Variants in FAM20A observed in about 807,000 individuals in gnomAD.
FAM20A encodes FAM20A golgi associated secretory pathway pseudokinase, also known as pseudokinase FAM20A.
A neutral mutation model predicts 52.0 loss-of-function variants in FAM20A; 42 were observed. The observed-to-expected ratio is 0.81, with a 90% CI of 0.63 to 1.04. FAM20A has a LOEUF of 1.04. Ranked by LOEUF, FAM20A falls within the 50% of genes least tolerant of loss-of-function variation. The pLI is 0.00. For missense variants in FAM20A, 742 were observed against 712.7 expected (o/e 1.04, Z -0.47); for synonymous variants, 304 against 298.9 (o/e 1.02, Z -0.18).
At chr17:68,539,534 C>T in intron 9 of FAM20A, 138 bp from the exon 10 acceptor site, 9 of 773,168 alleles carry the variant, frequency 1.2e-5, no homozygotes, top group African/African-American at 1.7e-5. Flanking sequence ...CCTCTCCAGC[C>T]CCTCTCCCCA....
chr17:68,587,960 A>G lies in FAM20A; in HGVS notation c.404+12303T>C, dbSNP rs554340527. Among the ~76,000 whole-genome samples the G allele has an allele frequency of 2.2e-3, 339 of 152,330 alleles. 1 individual carries two copies. The highest frequency in any genetic ancestry group is 6.8e-3 in the Middle Eastern group (2 of 294). ...TTGTTTCTACGTATTATGTTGGTTA[A>G]TATGAAAGGAAGTGCTTATGAGTTT... is the stretch of plus-strand genomic sequence containing the variant. On this transcript the variant is annotated intron_variant, in intron 1 of 10. Coordinates refer to ENST00000592554, the MANE Select transcript of FAM20A (RefSeq NM_017565.4).
In FAM20A at chr17:68,537,518, GT is replaced by G; in HGVS notation, c.1584del (p.Glu528AspfsTer12). The G allele has an allele frequency of 6.2e-7, 1 of 1,613,868 alleles. No individual in the cohort carries two copies. Reference sequence around the variant, plus strand: ...GCCTGGCCAGAGTCTGGGGCCAACTGTTCCACTGGGCCGTCGACTATGACAC... The same window carrying G: ...GCCTGGCCAGAGTCTGGGGCCAACTGTCCACTGGGCCGTCGACTATGACAC... ...QQSVIVDGPVEQLAPDSGQAN... is the reference protein window; with the variant it reads ...QQSVIVDGPVXQLAPDSGQAN... On this transcript the variant is annotated frameshift_variant, in exon 11 of 11. Transcript: ENST00000592554. LOFTEE classifies it high-confidence loss of function. This position sits in a 1 kb window ranked among gnomAD's most constrained non-coding sequence, Gnocchi z 4.2.
At position 68,555,690 on chromosome 17, in the gene FAM20A, A is replaced by G; in HGVS notation, c.458T>C (p.Leu153Pro). 6.2e-7 allele frequency: 1 copy of G among 1,613,944 alleles called. No individual in the cohort carries two copies. The highest frequency in any genetic ancestry group is 8.5e-7 in the Non-Finnish European group (1 of 1,180,034). ...QMNLTSLDPP[L>P]QLRLEASWVQ... ...CCAGCTGGCCTCGAGTCGGAGCTGC[A>G]GTGGGGGGTCCAGGGAGGTAAGGTT... Residue 153 changes from leucine to proline, a missense_variant, in exon 2 of 11, where the codon CTG (leucine) becomes CCG (proline). Physicochemically the swap from Leu to Pro is moderately conservative, Grantham distance 98. Coordinates refer to ENST00000592554, the MANE Select transcript of FAM20A (RefSeq NM_017565.4).
At chr17:68,573,452 CTTTCTTCTTTCT>C (rs750978335) in intron 1 of FAM20A, among the ~76,000 whole-genome samples, 2,071 of 137,124 alleles carry the variant, frequency 0.015, 46 homozygotes, top group African/African-American at 0.051. Context: ...TTCTTTCTTT[CTTTCTTCTTTCT>C]TTCTTTCTTT....
In FAM20A at chr17:68,537,472, A is replaced by T. The variant is rs374740151; in HGVS notation, c.*5T>A. 28 of 1,614,074 alleles carry T rather than the reference A, an allele frequency of 1.7e-5. No individual in the cohort carries two copies. Among genetic ancestry groups the T allele is most frequent in the Non-Finnish European group, 2.3e-5 (27 of 1,180,016 alleles). On this transcript the variant is annotated 3_prime_UTR_variant, in exon 11 of 11. Coordinates refer to ENST00000592554, the MANE Select transcript of FAM20A (RefSeq NM_017565.4). This position sits in a 1 kb window ranked among gnomAD's most constrained non-coding sequence, Gnocchi z 4.2. ...GTATTTTCTGAAACTGGACTCTGCC[A>T]GCCCTTAGCTTGTCAAGTTAGCCTG...
rs777416324 is a variant in FAM20A, at chr17:68,537,604, C to G, written c.1499G>C (p.Arg500Pro). The G allele has an allele frequency of 6.2e-7, 1 of 1,613,574 alleles. No homozygotes were observed. Among genetic ancestry groups the G allele is most frequent in the Non-Finnish European group, 8.5e-7 (1 of 1,179,734 alleles). The stretch of plus-strand genomic sequence containing the variant: ...TGTCCTTAGGATGGTTTGGAGCCTT[C>G]GATCCAGGGCAAGGAGGTGGGGTTC... ...LTEPHLLALD[R>P]RLQTILRTVE... The change falls in exon 11 of 11, where the codon CGA becomes CCA. Residue 500 changes from arginine (R) to proline (P), a missense_variant. Arg to Pro is a moderately radical substitution (Grantham distance 103). Transcript: ENST00000592554. The surrounding 1 kb of genome is among the most constrained non-coding windows in gnomAD (Gnocchi z 4.2).
At chr17:68,589,719 A>G (rs2088251635) in intron 1 of FAM20A, among the ~76,000 whole-genome samples, 2 of 152,242 alleles carry the variant, frequency 1.3e-5, no homozygotes, top group South Asian at 2.1e-4. Context: ...AGAAACTTCA[A>G]TGTATGAAAT....
chr17:68,575,960 G>A (rs2087755931), intron 1 of FAM20A, among the ~76,000 whole-genome samples: 1 of 151,362 alleles, frequency 6.6e-6, no homozygotes. Context: ...AGCTAACCCT[G>A]GGGAAGTGGA....
chr17:68,548,728 T>A (rs1397677022), intron 4 of FAM20A, among the ~76,000 whole-genome samples: 34 of 130,546 alleles, frequency 2.6e-4, no homozygotes, highest in African/African-American at 8.9e-4. Context: ...CCTGTATATT[T>A]TTTTTTTTTT....
At position 68,539,348 on chromosome 17, in the gene FAM20A, G is replaced by T; in HGVS notation, c.1350C>A (p.Ser450=). The part of the protein sequence containing the change: ...HDEISILSPL[S]QCCMIKKKTL... ...GCAGGAAAACTTACATGCAGCACTGGGAGAGAGGCGAGAGGATGGAGATTT... is the reference window on the plus strand; with the variant it reads ...GCAGGAAAACTTACATGCAGCACTGTGAGAGAGGCGAGAGGATGGAGATTT... Residue 450 remains serine (S), a synonymous_variant, in exon 10 of 11, where the codon TCC becomes TCA. Coordinates refer to ENST00000592554, the MANE Select transcript of FAM20A (RefSeq NM_017565.4). 1 of 1,614,170 alleles carries T rather than the reference G, an allele frequency of 6.2e-7. No individual in the cohort carries two copies. The highest frequency in any genetic ancestry group is 8.5e-7 in the Non-Finnish European group (1 of 1,180,024).
chr17:68,544,072 G>C (rs1364300030), intron 4 of FAM20A, among the ~76,000 whole-genome samples: 2 of 152,120 alleles, frequency 1.3e-5, no homozygotes, highest in Non-Finnish European at 2.9e-5. Context: ...AGAGGGGAAT[G>C]GTTAGCAGAA....
In FAM20A at chr17:68,535,973, G is replaced by C. The variant is rs531477523; in HGVS notation, c.*1504C>G. 2.2e-6 allele frequency: 1 copy of C among 454,138 alleles called. No homozygotes were observed. The highest frequency in any genetic ancestry group is 6.9e-5 in the East Asian group (1 of 14,400). 28.1% of individuals were successfully genotyped at this position (454,138 alleles called of 1,614,324 possible). A position where few individuals can be genotyped will look rare whatever the true frequency, so the allele number is the denominator to read the frequency against. The stretch of plus-strand genomic sequence containing the variant: ...AGTTCTTCCATGCACATTGGAGGAT[G>C]GGGGTTGTATCTGTGTTTGAGAGGA... On this transcript the variant is annotated 3_prime_UTR_variant, in exon 11 of 11. Transcript: ENST00000592554.
chr17:68,552,027 G>T, intron 3 of FAM20A, 76 bp from the exon 4 acceptor site: 2 of 942,408 alleles, frequency 2.1e-6, no homozygotes, highest in Non-Finnish European at 3.4e-6. Context: ...CCTTCAATAA[G>T]CCCAGCTGAC....
chr17:68,537,422 C>G lies in FAM20A; in HGVS notation c.*55G>C, dbSNP rs577021566. On this transcript the variant is annotated 3_prime_UTR_variant, in exon 11 of 11. Transcript: ENST00000592554. The surrounding 1 kb of genome is among the most constrained non-coding windows in gnomAD (Gnocchi z 4.2). ...GGAGTGAGGACGCAGGGTCGGCACTCGAGTCGACTGCTCTGGCTCCAGGCG... is the reference window on the plus strand; with the variant it reads ...GGAGTGAGGACGCAGGGTCGGCACTGGAGTCGACTGCTCTGGCTCCAGGCG... 12 of 1,611,284 alleles carry G rather than the reference C, an allele frequency of 7.4e-6. No homozygotes were observed. Among genetic ancestry groups the G allele is most frequent in the Non-Finnish European group, 9.3e-6 (11 of 1,178,994 alleles).
At chr17:68,563,809 T>C (rs2907382) in intron 1 of FAM20A, among the ~76,000 whole-genome samples, 13,952 of 152,134 alleles carry the variant, frequency 0.092, 2,055 homozygotes, top group African/African-American at 0.32. Flanking sequence ...CCTACAGAAG[T>C]CCTTCAAGGA....
In FAM20A at chr17:68,559,084, C is replaced by T. The variant is rs149819825; in HGVS notation, c.405-3341G>A. ...GATATTTCTTTATAGCAACGCAAAA[C>T]GGCCTGAAACATTATCCCAGACTTC... On this transcript the variant is annotated intron_variant, in intron 1 of 10. Transcript: ENST00000592554. 2.9e-3 allele frequency among the ~76,000 whole-genome samples: 435 copies of T among 152,252 alleles called. 1 individual carries two copies. Among genetic ancestry groups the T allele is most frequent in the African/African-American group, 9.8e-3 (409 of 41,540 alleles).
At chr17:68,582,968 T>C (rs973869608) in intron 1 of FAM20A, among the ~76,000 whole-genome samples, 1 of 14,114 alleles carries the variant, frequency 7.1e-5, no homozygotes, top group African/African-American at 1.9e-4. Context: ...CCCAGCTGAT[T>C]TTTTTTTTTT....
At chr17:68,573,614 C>T (rs1247818882) in intron 1 of FAM20A, among the ~76,000 whole-genome samples, 3 of 147,732 alleles carry the variant, frequency 2.0e-5, no homozygotes. Context: ...CTCTTTTCTT[C>T]CTTCCTTCCC....
chr17:68,545,939 G>A (rs1350540484), intron 4 of FAM20A, among the ~76,000 whole-genome samples: 1 of 152,148 alleles, frequency 6.6e-6, no homozygotes, highest in African/African-American at 2.4e-5. Flanking sequence ...GGAGGCTGAG[G>A]CAGGTGGATC....
Sources: allele counts gnomAD v4.1 joint callset (sites outside exome capture counted in the v4.1 genomes callset), GRCh38; gene constraint gnomAD v4.1.1; non-coding constraint Gnocchi (gnomAD v3.1); transcripts MANE v1.5; gene names NCBI Gene and HGNC (gene_info 2026-07-23, HGNC 2026-07-21).